Variants in TMEM185A observed in about 807,000 individuals in gnomAD.
TMEM185A encodes transmembrane protein 185A, also known as family with sequence similarity 11, member A.
A neutral mutation model predicts 25.0 loss-of-function variants in TMEM185A; 9 were observed. The observed-to-expected ratio is 0.36, with a 90% CI of 0.22 to 0.63. The LOEUF (loss-of-function observed/expected upper bound fraction) is 0.63. Ranked by LOEUF, TMEM185A falls within the 20% of genes least tolerant of loss-of-function variation. TMEM185A has a pLI of 0.68. For synonymous variants in TMEM185A, 45 were observed against 93.5 expected (o/e 0.48, Z 2.99); for missense variants, 103 against 237.4 (o/e 0.43, Z 3.72).
intron 1 of TMEM185A, among the ~76,000 whole-genome samples, chrX:149,622,008 C>T (rs950736475): frequency 1.8e-5 from 2 of 111,694 alleles, no homozygotes; most frequent in Admixed American, 9.5e-5. Context: ...TACTTGGGGG[C>T]GTCATTATTC....
chrX:149,610,502 G>A (rs1557354361), intron 2 of TMEM185A, among the ~76,000 whole-genome samples: 1 of 105,895 alleles, frequency 9.4e-6, no homozygotes, highest in East Asian at 2.9e-4. Flanking sequence ...ATGAGCAGCT[G>A]CCTTCTGGGA....
intron 1 of TMEM185A, among the ~76,000 whole-genome samples, chrX:149,618,032 T>C (rs2090119424): frequency 8.9e-6 from 1 of 111,796 alleles, no homozygotes; most frequent in African/African-American, 3.2e-5. Context: ...AAAGCTCAGA[T>C]GTTAAATAAC....
At chrX:149,605,957 C>T (rs938057797) in intron 3 of TMEM185A, among the ~76,000 whole-genome samples, 2 of 112,237 alleles carry the variant, frequency 1.8e-5, no homozygotes, top group African/African-American at 3.2e-5. Context: ...CTCCATAGAC[C>T]TCTAGGCCAA....
intron 1 of TMEM185A, 88 bp from the exon 2 acceptor site, chrX:149,611,551 G>GCA (rs1158341266): frequency 4.7e-6 from 4 of 847,273 alleles, no homozygotes; most frequent in African/African-American, 2.0e-5. Context: ...ACATTTGTCA[G>GCA]CATGTAAAAG....
intron 1 of TMEM185A, among the ~76,000 whole-genome samples, chrX:149,631,120 G>A (rs2090189148): frequency 9.0e-6 from 1 of 110,830 alleles, no homozygotes; most frequent in Non-Finnish European, 1.9e-5. Flanking sequence ...GCGAGGAACT[G>A]GAGGAAACAG....
At chrX:149,628,416 C>T (rs138241121) in intron 1 of TMEM185A, among the ~76,000 whole-genome samples, 101 of 112,010 alleles carry the variant, frequency 9.0e-4, no homozygotes, top group African/African-American at 3.1e-3. Context: ...TTTGTGGGTC[C>T]GGTACATCTG....
At chrX:149,626,904 C>T (rs1055628059) in intron 1 of TMEM185A, among the ~76,000 whole-genome samples, 11 of 112,210 alleles carry the variant, frequency 9.8e-5, no homozygotes, top group Non-Finnish European at 1.1e-4. Flanking sequence ...GTATTGCTGC[C>T]AGCATACTTC....
At chrX:149,612,345 C>T (rs2090088346) in intron 1 of TMEM185A, among the ~76,000 whole-genome samples, 1 of 111,894 alleles carries the variant, frequency 8.9e-6, no homozygotes, top group South Asian at 3.8e-4. Context: ...AGTTAAAACT[C>T]AACCCTGTCA....
chrX:149,617,878 T>C lies in TMEM185A; in HGVS notation c.39-6415A>G, dbSNP rs782696906. ...CAAACTATGGATGACAACAACAACATTGATGAATCTAAAATGCACTATAAG... is the reference window on the plus strand; with the variant it reads ...CAAACTATGGATGACAACAACAACACTGATGAATCTAAAATGCACTATAAG... On this transcript the variant is annotated intron_variant, in intron 1 of 6. Coordinates refer to ENST00000600449, the MANE Select transcript of TMEM185A (RefSeq NM_032508.4). 1.8e-4 allele frequency among the ~76,000 whole-genome samples: 20 copies of C among 111,980 alleles called. No homozygotes were observed. In the South Asian group the frequency reaches 4.8e-3, roughly 27 times the overall value.
chrX:149,603,835 AC>A (rs2090030456), intron 4 of TMEM185A, 151 bp downstream of exon 4: 2 of 420,062 alleles, frequency 4.8e-6, no homozygotes, highest in East Asian at 7.9e-5. Flanking sequence ...AGACATAAAA[AC>A]ACTAACCATG....
At chrX:149,610,479 A>G (rs2124213369) in intron 2 of TMEM185A, among the ~76,000 whole-genome samples, 1 of 101,486 alleles carries the variant, frequency 9.9e-6, no homozygotes, top group Non-Finnish European at 2.0e-5. Context: ...TTTCAACTTT[A>G]CACTTTTCCC....
intron 1 of TMEM185A, among the ~76,000 whole-genome samples, chrX:149,627,973 A>G (rs1557356222): frequency 4.4e-5 from 5 of 112,360 alleles, no homozygotes; most frequent in African/African-American, 1.6e-4. Context: ...AAGATAACTT[A>G]TATGGACTCC....
intron 1 of TMEM185A, among the ~76,000 whole-genome samples, chrX:149,616,350 T>A (rs1285403123): frequency 9.0e-6 from 1 of 111,623 alleles, no homozygotes; most frequent in Non-Finnish European, 1.9e-5. Context: ...AGGCCAGAGG[T>A]CCAAAAAGGG....
At chrX:149,603,329 A>T (rs1387082653) in intron 4 of TMEM185A, among the ~76,000 whole-genome samples, 1 of 108,599 alleles carries the variant, frequency 9.2e-6, no homozygotes, top group Non-Finnish European at 1.9e-5. Flanking sequence ...GTCTTGCTAC[A>T]TTGCACAGGT....
chrX:149,615,841 C>T (rs2090107654), intron 1 of TMEM185A, among the ~76,000 whole-genome samples: 2 of 112,053 alleles, frequency 1.8e-5, no homozygotes, highest in Non-Finnish European at 3.8e-5. Context: ...CTGAAACCTA[C>T]AAAACACTGG....
Position 149,631,524 on chromosome X carries a change from G to T in TMEM185A, c.38+19C>A. On this transcript the variant is annotated intron_variant, in intron 1 of 6. Transcript: ENST00000600449. ...GCCCGCAGCGCGGACTCCCGGGGGC[G>T]CCAACGACGCCGCCTCACCTCGGGT... 8.6e-7 allele frequency: 1 copy of T among 1,159,587 alleles called. No individual in the cohort carries two copies. The highest frequency in any genetic ancestry group is 3.3e-5 in the East Asian group (1 of 29,982).
chrX:149,605,547 C>A (rs2090046326), intron 3 of TMEM185A, among the ~76,000 whole-genome samples: 1 of 104,477 alleles, frequency 9.6e-6, no homozygotes, highest in Non-Finnish European at 1.9e-5. Context: ...ATGTCACTTT[C>A]TATAGCCTCC....
chrX:149,625,387 A>T (rs1557355928), intron 1 of TMEM185A, among the ~76,000 whole-genome samples: 3 of 112,611 alleles, frequency 2.7e-5, no homozygotes, highest in African/African-American at 9.7e-5. Flanking sequence ...TGTGTGTGTA[A>T]TTATCAAGTA....
At position 149,611,339 on chromosome X, in the gene TMEM185A, T is replaced by C; in HGVS notation, c.163A>G (p.Ile55Val). The C allele has an allele frequency of 8.3e-7, 1 of 1,211,049 alleles. No homozygotes were observed. The highest frequency in any genetic ancestry group is 1.8e-5 in the South Asian group (1 of 56,786). ...APIWLWKLMV[I>V]VGASVGTGVW... Reference sequence around the variant, plus strand: ...CCAGTTCCAACTGAGGCTCCAACAATGACCATTAACTTCCACAGCCATATT... The same window carrying C: ...CCAGTTCCAACTGAGGCTCCAACAACGACCATTAACTTCCACAGCCATATT... The change falls in exon 2 of 7, where the codon ATT becomes GTT. Residue 55 changes from isoleucine to valine, a missense_variant. Transcript: ENST00000600449.
Sources: gnomAD v4.1 joint callset for allele counts (sites outside exome capture counted in the v4.1 genomes callset) on GRCh38, gnomAD v4.1.1 for gene constraint, MANE v1.5 for transcripts, NCBI Gene and HGNC (gene_info 2026-07-23, HGNC 2026-07-21) for gene names.